WASF2: variants seen among roughly 807,000 people sequenced by gnomAD.
The protein encoded by WASF2 is WASP family member 2, also known as actin-binding protein WASF2.
Under a neutral mutation model 45.0 loss-of-function variants are expected in WASF2, and 14 were observed. That is an observed-to-expected ratio of 0.31 (90% CI 0.21 to 0.49). WASF2 has a LOEUF of 0.49. Among genes scored for constraint, WASF2 ranks in the 20% least tolerant of loss-of-function variants. The pLI, the probability that WASF2 is intolerant of heterozygous loss-of-function variation, is 0.99. For synonymous variants in WASF2, 200 were observed against 236.3 expected (o/e 0.85, Z 1.41); for missense variants, 439 against 636.1 (o/e 0.69, Z 3.33).
intron 1 of WASF2, among the ~76,000 whole-genome samples, chr1:27,477,675 GGATCAC>G (rs2017784622): frequency 9.5e-6 from 1 of 104,994 alleles, no homozygotes; most frequent in Non-Finnish European, 1.8e-5. Context: ...CGAGGCGGGC[GGATCAC>G]GAGGTCAGGA....
At chr1:27,472,797 C>G (rs1298459042) in intron 1 of WASF2, among the ~76,000 whole-genome samples, 1 of 130,438 alleles carries the variant, frequency 7.7e-6, no homozygotes, top group Non-Finnish European at 1.5e-5. Flanking sequence ...CCCATCTTTA[C>G]CAAAAAAAAA....
At chr1:27,483,679 G>A (rs1322480331) in intron 1 of WASF2, among the ~76,000 whole-genome samples, 1 of 151,818 alleles carries the variant, frequency 6.6e-6, no homozygotes, top group Non-Finnish European at 1.5e-5. Flanking sequence ...GTCTGGGCAT[G>A]GTGGTTTATG....
At position 27,416,000 on chromosome 1, in the gene WASF2, C is replaced by T; in HGVS notation, c.522G>A (p.Glu174=). 2 of 1,614,008 alleles carry T rather than the reference C, an allele frequency of 1.2e-6. No individual in the cohort carries two copies. Among genetic ancestry groups the T allele is most frequent in the Non-Finnish European group, 1.7e-6 (2 of 1,179,890 alleles). ...TTCCCCTCACCCTATGCTTTCTCTTCTCTTTCATGATATCCTTGGTGTCCT... is the reference window on the plus strand; with the variant it reads ...TTCCCCTCACCCTATGCTTTCTCTTTTCTTTCATGATATCCTTGGTGTCCT... The part of the protein sequence containing the change: ...MLQDTKDIMK[E]KRKHRKEKKD... The change falls in exon 5 of 9, where the codon GAG becomes GAA. Residue 174 remains glutamate, a synonymous_variant. Coordinates refer to ENST00000618852, the MANE Select transcript of WASF2 (RefSeq NM_006990.5).
intron 1 of WASF2, among the ~76,000 whole-genome samples, chr1:27,454,225 T>C (rs2017436795): frequency 1.4e-5 from 2 of 145,214 alleles, no homozygotes; most frequent in Non-Finnish European, 3.0e-5. Context: ...TACAGGGTCT[T>C]ACTTTGTTGT....
rs575564084 is a variant in WASF2, at chr1:27,486,461, T to C, written c.-44+3525A>G. 2.0e-5 allele frequency among the ~76,000 whole-genome samples: 3 copies of C among 152,294 alleles called. No individual in the cohort carries two copies. In the South Asian group the frequency reaches 6.2e-4, roughly 32 times the overall value. ...TTAATAGAGCTTCACGTGCAATAAA[T>C]TCAGTGTCTTCACAACTATCACATA... On this transcript the variant is annotated intron_variant, in intron 1 of 8. Coordinates refer to ENST00000618852, the MANE Select transcript of WASF2 (RefSeq NM_006990.5).
intron 8 of WASF2, among the ~76,000 whole-genome samples, chr1:27,409,428 C>CAAAAAAAAAAAAAAAAAA (rs60940665): frequency 4.6e-5 from 2 of 43,692 alleles, no homozygotes; most frequent in African/African-American, 6.0e-5. Context: ...CTGTCCCCCA[C>CAAAAAAAAAAAAAAAAAA]AAAAAAAAAA....
chr1:27,473,698 C>G (rs1571162540), intron 1 of WASF2, among the ~76,000 whole-genome samples: 1 of 152,246 alleles, frequency 6.6e-6, no homozygotes, highest in East Asian at 1.9e-4. Context: ...CAAAAAACAT[C>G]ACCAAACTTC....
chr1:27,475,906 C>T (rs1438862616), intron 1 of WASF2, among the ~76,000 whole-genome samples: 1 of 152,156 alleles, frequency 6.6e-6, no homozygotes, highest in Non-Finnish European at 1.5e-5. Flanking sequence ...TGGCCTCACG[C>T]CTCCCCATGT....
At chr1:27,440,520 TA>T (rs774741330) in intron 1 of WASF2, among the ~76,000 whole-genome samples, 677 of 137,412 alleles carry the variant, frequency 4.9e-3, no homozygotes, top group Middle Eastern at 7.4e-3. Flanking sequence ...GACCCTGTCT[TA>T]AAAAAAAAAA....
intron 1 of WASF2, among the ~76,000 whole-genome samples, chr1:27,437,022 G>A (rs2017146919): frequency 6.6e-6 from 1 of 152,182 alleles, no homozygotes; most frequent in South Asian, 2.1e-4. Flanking sequence ...CTAAACTCCA[G>A]TATCTTACTC....
At chr1:27,467,190 TG>T (rs2017624418) in intron 1 of WASF2, among the ~76,000 whole-genome samples, 1 of 138,204 alleles carries the variant, frequency 7.2e-6, no homozygotes, top group South Asian at 2.3e-4. Flanking sequence ...CACTACAGCC[TG>T]GGTGTCAGAG....
At chr1:27,484,932 C>T (rs1318005063) in intron 1 of WASF2, among the ~76,000 whole-genome samples, 3 of 151,364 alleles carry the variant, frequency 2.0e-5, no homozygotes, top group African/African-American at 2.4e-5. Flanking sequence ...GGTGGATCAC[C>T]TGAGGTCAAG....
chr1:27,479,825 A>ATT (rs1156735770), intron 1 of WASF2, among the ~76,000 whole-genome samples: 1 of 152,266 alleles, frequency 6.6e-6, no homozygotes, highest in East Asian at 1.9e-4. Flanking sequence ...AGATGGCGCC[A>ATT]CTACATTCCA....
chr1:27,443,389 G>A (rs1432838767), intron 1 of WASF2, among the ~76,000 whole-genome samples: 1 of 151,364 alleles, frequency 6.6e-6, no homozygotes, highest in Non-Finnish European at 1.5e-5. Context: ...TGAGGTGGGT[G>A]GATCACCTGA....
At chr1:27,487,687 A>G (rs1241679398) in intron 1 of WASF2, among the ~76,000 whole-genome samples, 1 of 112,244 alleles carries the variant, frequency 8.9e-6, no homozygotes, top group East Asian at 2.2e-4. Flanking sequence ...TATATAATAT[A>G]TAATATATAT....
chr1:27,449,702 G>C (rs2017357988), intron 1 of WASF2, among the ~76,000 whole-genome samples: 2 of 152,138 alleles, frequency 1.3e-5, no homozygotes, highest in South Asian at 2.1e-4. Flanking sequence ...TGGAACTCCA[G>C]TCTTATAGCA....
intron 1 of WASF2, 68 bp from the exon 2 acceptor site, chr1:27,429,001 C>CTT (rs201541202): frequency 1.8e-3 from 1,259 of 718,486 alleles, no homozygotes; most frequent in Non-Finnish European, 2.0e-3. Context: ...CTGTGTGAAT[C>CTT]TTTTTTTTTT....
intron 1 of WASF2, among the ~76,000 whole-genome samples, chr1:27,475,054 T>C (rs1450324163): frequency 6.6e-6 from 1 of 152,054 alleles, no homozygotes; most frequent in African/African-American, 2.4e-5. Flanking sequence ...GCAGGAGGAC[T>C]GCTTGAGGCC....
chr1:27,450,869 A>G (rs1171194884), intron 1 of WASF2, among the ~76,000 whole-genome samples: 2 of 151,604 alleles, frequency 1.3e-5, no homozygotes, highest in Admixed American at 6.6e-5. Flanking sequence ...TTTCCTCAAT[A>G]AATATGGGTA....
Sources: allele counts gnomAD v4.1 joint callset (sites outside exome capture counted in the v4.1 genomes callset), GRCh38; gene constraint gnomAD v4.1.1; transcripts MANE v1.5; gene names NCBI Gene and HGNC (gene_info 2026-07-23, HGNC 2026-07-21).